Variants in NMNAT3 observed in about 807,000 individuals in gnomAD.
NMNAT3 encodes the protein nicotinamide/nicotinic acid mononucleotide adenylyltransferase 3.
NMNAT3 carries 21 observed loss-of-function variants against 24.8 expected under a neutral mutation model. The observed-to-expected ratio is 0.85, with a 90% CI of 0.60 to 1.22. The LOEUF (loss-of-function observed/expected upper bound fraction) is 1.22, where lower values mean the gene tolerates loss of function less well. Among genes scored for constraint, NMNAT3 ranks in the 50% most tolerant of loss-of-function variants. The pLI, the probability that NMNAT3 is intolerant of heterozygous loss-of-function variation, is 0.00. For missense variants in NMNAT3, 387 were observed against 436.6 expected (o/e 0.89, Z 1.01); for synonymous variants, 136 against 155.2 (o/e 0.88, Z 0.92).
chr3:139,600,070 T>G (rs1035212592), intron 3 of NMNAT3, among the ~76,000 whole-genome samples: 3 of 152,286 alleles, frequency 2.0e-5, no homozygotes, highest in East Asian at 3.9e-4. Context: ...TTCTCTTACT[T>G]CTTTGTGTGT....
At chr3:139,591,438 C>A (rs1345335501) in intron 3 of NMNAT3, among the ~76,000 whole-genome samples, 69 of 152,010 alleles carry the variant, frequency 4.5e-4, no homozygotes, top group African/African-American at 1.5e-3. Context: ...ACAAAGCAGC[C>A]GGGAAGCTCG....
rs571172014 is a variant in NMNAT3, at chr3:139,674,544, G to T, written c.-141+3161C>A. On this transcript the variant is annotated intron_variant, in intron 1 of 6. Coordinates refer to ENST00000643695, the MANE Select transcript of NMNAT3 (RefSeq NM_001320510.2). The stretch of plus-strand genomic sequence containing the variant: ...AGTGGTTTAACATAGATGTATGGAA[G>T]ATTTATCGAGATGATAAAATACCTG... Among the ~76,000 whole-genome samples, 16 of 152,338 alleles carry T rather than the reference G, an allele frequency of 1.1e-4. 1 individual carries two copies. The highest frequency in any genetic ancestry group is 2.0e-4 in the Admixed American group (3 of 15,310).
chr3:139,642,781 G>A (rs1363032867), intron 1 of NMNAT3, among the ~76,000 whole-genome samples: 3 of 152,096 alleles, frequency 2.0e-5, no homozygotes, highest in Non-Finnish European at 4.4e-5. Context: ...TCTTCAGAGG[G>A]TGAGGAAGCC....
At chr3:139,562,554 T>C (rs1031505534) in intron 6 of NMNAT3, among the ~76,000 whole-genome samples, 1 of 152,176 alleles carries the variant, frequency 6.6e-6, no homozygotes, top group African/African-American at 2.4e-5. Context: ...AGGGCTACCA[T>C]ACTGGAGAAA....
intron 1 of NMNAT3, among the ~76,000 whole-genome samples, chr3:139,660,309 A>G (rs1429474479): frequency 3.3e-5 from 5 of 152,168 alleles, no homozygotes; most frequent in Non-Finnish European, 7.4e-5. Context: ...CTACAATTTT[A>G]TTTTCACTAT....
At chr3:139,603,346 G>A (rs1009162726) in intron 3 of NMNAT3, among the ~76,000 whole-genome samples, 2 of 152,154 alleles carry the variant, frequency 1.3e-5, no homozygotes, top group Non-Finnish European at 2.9e-5. Flanking sequence ...ACGGGAATTG[G>A]TTACTTTCAT....
chr3:139,631,484 T>C (rs2056294876), intron 2 of NMNAT3, among the ~76,000 whole-genome samples: 2 of 152,168 alleles, frequency 1.3e-5, no homozygotes, highest in African/African-American at 2.4e-5. Context: ...TGAGGGAGAC[T>C]TCTGCTATTG....
intron 3 of NMNAT3, among the ~76,000 whole-genome samples, chr3:139,592,055 A>G (rs1047950762): frequency 1.3e-5 from 2 of 152,202 alleles, no homozygotes; most frequent in Admixed American, 6.5e-5. Context: ...AAAGGCAAAG[A>G]AGTTGAAAAC....
intron 1 of NMNAT3, among the ~76,000 whole-genome samples, chr3:139,653,013 A>G (rs1047704411): frequency 2.0e-5 from 3 of 152,224 alleles, no homozygotes; most frequent in Non-Finnish European, 4.4e-5. Flanking sequence ...TTTTACTCTC[A>G]TTTTATTGAA....
rs115492466 is a variant in NMNAT3, at chr3:139,621,294, T to C, written c.109+6322A>G. On this transcript the variant is annotated intron_variant, in intron 3 of 6. Transcript: ENST00000643695. ...CCTAATGCTATTGAGCATCTTTCCA[T>C]ATACTAATATTTCATCCATATGTCT... is the stretch of plus-strand genomic sequence containing the variant. Among the ~76,000 whole-genome samples the C allele has an allele frequency of 1.7e-3, 263 of 152,348 alleles. 2 individuals carry two copies. The highest frequency in any genetic ancestry group is 6.0e-3 in the African/African-American group (249 of 41,576).
chr3:139,609,150 G>A (rs868544420), intron 3 of NMNAT3, among the ~76,000 whole-genome samples: 1 of 152,162 alleles, frequency 6.6e-6, no homozygotes, highest in South Asian at 2.1e-4. Flanking sequence ...AGGACATTTG[G>A]GTGGTTTCTA....
At chr3:139,612,102 A>C (rs1973431) in intron 3 of NMNAT3, among the ~76,000 whole-genome samples, 1 of 151,366 alleles carries the variant, frequency 6.6e-6, no homozygotes, top group African/African-American at 2.4e-5. Context: ...GGAAGGCAGA[A>C]GTTGCGGTGA....
At chr3:139,641,236 C>G (rs892778974) in intron 1 of NMNAT3, among the ~76,000 whole-genome samples, 1 of 152,210 alleles carries the variant, frequency 6.6e-6, no homozygotes, top group African/African-American at 2.4e-5. Context: ...CAGGCTCCCT[C>G]CCACAAAATG....
In NMNAT3 at chr3:139,654,585, G is replaced by T. The variant is rs2057174413; in HGVS notation, c.-140-16523C>A. ...CAGAGGCAAAACTATTATGTTTCTA[G>T]GGCCAATTTTGCCTTTGATGTGAAA... On this transcript the variant is annotated intron_variant, in intron 1 of 6. Transcript: ENST00000643695. Among the ~76,000 whole-genome samples the T allele has an allele frequency of 2.0e-5, 3 of 152,138 alleles. No homozygotes were observed. In the South Asian group the frequency reaches 6.2e-4, roughly 32 times the overall value.
At chr3:139,652,393 C>A (rs1312447279) in intron 1 of NMNAT3, among the ~76,000 whole-genome samples, 1 of 152,190 alleles carries the variant, frequency 6.6e-6, no homozygotes, top group African/African-American at 2.4e-5. Context: ...CAATTAGATG[C>A]TATTACTCCA....
intron 6 of NMNAT3, among the ~76,000 whole-genome samples, chr3:139,562,117 C>T (rs111893936): frequency 6.8e-6 from 1 of 147,848 alleles, no homozygotes; most frequent in African/African-American, 2.4e-5. Context: ...ACCATATGCA[C>T]CCCAGAACAA....
At position 139,568,766 on chromosome 3, in the gene NMNAT3, G is replaced by A. The variant is rs535026897; in HGVS notation, c.658+4832C>T. On this transcript the variant is annotated intron_variant, in intron 6 of 6. Transcript: ENST00000643695. The stretch of plus-strand genomic sequence containing the variant: ...TGAGGAGTGCTTTACTTCCAACTAT[G>A]TGGTCAATTTTGGAGTAGGTGTGGT... The A allele has an allele frequency of 3.3e-5, 5 of 152,306 alleles. No individual in the cohort carries two copies. In the East Asian group the frequency reaches 7.7e-4, roughly 24 times the overall value. 9.4% of individuals were successfully genotyped at this position (152,306 alleles called of 1,614,324 possible). A position where few individuals can be genotyped will look rare whatever the true frequency, so the allele number is the denominator to read the frequency against.
intron 2 of NMNAT3, among the ~76,000 whole-genome samples, chr3:139,633,912 G>T (rs1457300334): frequency 2.0e-5 from 3 of 152,182 alleles, no homozygotes; most frequent in Non-Finnish European, 4.4e-5. Flanking sequence ...TTCAGAAAGA[G>T]CACTCAAGTG....
In NMNAT3 at chr3:139,583,195, C is replaced by G; in HGVS notation, c.123G>C (p.Lys41Asn). The change falls in exon 4 of 7, where the codon AAG becomes AAC. Residue 41 changes from lysine (K) to asparagine (N), a missense_variant. Around this residue, in one of 3 missense-constraint regions of NMNAT3, gnomAD observed 51 missense variants for 55.6 expected, o/e 0.92. Transcript: ENST00000643695. ...GAAAAACAAGTGCAACTTCATGGTC[C>G]TTTTCTTCATATTCTGGAATACAAG... 1 of 1,214,988 alleles carries G rather than the reference C, an allele frequency of 8.2e-7. No homozygotes were observed. The highest frequency in any genetic ancestry group is 1.2e-6 in the Non-Finnish European group (1 of 823,324). 75.3% of individuals were successfully genotyped at this position (1,214,988 alleles called of 1,614,324 possible). A position where few individuals can be genotyped will look rare whatever the true frequency, so the allele number is the denominator to read the frequency against.
Sources: allele counts gnomAD v4.1 joint callset (sites outside exome capture counted in the v4.1 genomes callset), GRCh38; gene constraint gnomAD v4.1.1; regional missense constraint gnomAD v4.1.1; transcripts MANE v1.5; gene names NCBI Gene and HGNC (gene_info 2026-07-23, HGNC 2026-07-21).